SNX20: variants seen among roughly 807,000 people sequenced by gnomAD.
The protein encoded by SNX20 is sorting nexin 20.
Under a neutral mutation model 24.5 loss-of-function variants are expected in SNX20, and 21 were observed. The ratio of observed to expected loss-of-function variants is 0.86; its 90% CI spans 0.61 to 1.23. SNX20 has a LOEUF of 1.23. Ranked by LOEUF, SNX20 falls within the 50% of genes most tolerant of loss-of-function variation. SNX20 has a pLI of 0.00. For missense variants in SNX20, 433 were observed against 430.8 expected (o/e 1.00, Z -0.04); for synonymous variants, 206 against 192.8 (o/e 1.07, Z -0.57).
downstream of SNX20, chr16:50,670,169 A>C (rs956390266): frequency 6.6e-6 from 1 of 152,378 alleles, no homozygotes; most frequent in African/African-American, 2.4e-5. Context: ...TCCCATCTGC[A>C]GTCCCCTGGG....
At chr16:50,667,988 C>T (rs776466443), downstream of SNX20, 18 of 1,550,014 alleles carry the variant, frequency 1.2e-5, no homozygotes, top group Admixed American at 3.9e-5. Flanking sequence ...CAGCCCAGAA[C>T]GCTCGCTCCA....
At position 50,673,084 on chromosome 16, in the gene SNX20, T is replaced by G; in HGVS notation, c.*322A>C. On this transcript the variant is annotated 3_prime_UTR_variant, in exon 4 of 4. Transcript: ENST00000330943. This position sits in a 1 kb window ranked among gnomAD's most constrained non-coding sequence, Gnocchi z 4.1. ...TTGGGAAGCTGAGGCAGGAAGATCA[T>G]TTAAGGTCAGAAGTTAGAGACCAGC... The G allele has an allele frequency of 4.9e-6, 1 of 205,046 alleles. No individual in the cohort carries two copies. The allele number at this position is 205,046 out of a possible 1,614,324, so 12.7% of individuals were successfully genotyped here.
chr16:50,680,593 G>T (rs1001662688), intron 1 of SNX20, among the ~76,000 whole-genome samples: 31 of 152,172 alleles, frequency 2.0e-4, no homozygotes, highest in Admixed American at 6.5e-5. Flanking sequence ...TGGGGGATGA[G>T]CCTCTAGGGG....
rs1475187961 is a variant in SNX20, at chr16:50,673,860, C to G, written c.497G>C (p.Gly166Ala). 1.6e-5 allele frequency: 26 copies of G among 1,605,002 alleles called. No individual in the cohort carries two copies. The highest frequency in any genetic ancestry group is 2.1e-5 in the Non-Finnish European group (25 of 1,179,318). ...CACGCAGCGGATGGCGTAGAGCAGG[C>G]CCAGGTACTCCTGCAGGGCGCGCCG... ...ERRRALQEYLGLLYAIRCVRR... is the reference protein window; with the variant it reads ...ERRRALQEYLALLYAIRCVRR... The change falls in exon 4 of 4, where the codon GGC becomes GCC. Residue 166 changes from glycine to alanine, a missense_variant. Coordinates refer to ENST00000330943, the MANE Select transcript of SNX20 (RefSeq NM_182854.4). This position sits in a 1 kb window ranked among gnomAD's most constrained non-coding sequence, Gnocchi z 4.1.
In SNX20 at chr16:50,672,602, A is replaced by AG. The variant is rs1963075580; in HGVS notation, c.*803dup. 6.6e-6 allele frequency: 1 copy of AG among 151,396 alleles called. No individual in the cohort carries two copies. Among genetic ancestry groups the AG allele is most frequent in the Non-Finnish European group, 1.5e-5 (1 of 68,126 alleles). The allele number at this position is 151,396 out of a possible 1,614,324, so 9.4% of individuals were successfully genotyped here. ...TTTGCTTTGTCAGGTCTACATGGTAAGGGGGAAGGGCTAGAATACTAAGAT... is the reference window on the plus strand; with the variant it reads ...TTTGCTTTGTCAGGTCTACATGGTAAGGGGGGAAGGGCTAGAATACTAAGAT... On this transcript the variant is annotated 3_prime_UTR_variant, in exon 4 of 4. Transcript: ENST00000330943.
chr16:50,668,608 T>C, downstream of SNX20: 1 of 1,016,402 alleles, frequency 9.8e-7, no homozygotes, highest in Non-Finnish European at 1.2e-6. Flanking sequence ...GTGGCATTGT[T>C]GGGCCCCAGA....
chr16:50,673,996 C>A lies in SNX20; in HGVS notation c.361G>T (p.Ala121Ser). The A allele has an allele frequency of 6.2e-7, 1 of 1,612,860 alleles. No homozygotes were observed. Among genetic ancestry groups the A allele is most frequent in the Non-Finnish European group, 8.5e-7 (1 of 1,179,570 alleles). ...AVLERRYSDF[A>S]KLQKALLKTF... Reference sequence around the variant, plus strand: ...TTCAGCAGCGCTTTCTGGAGCTTCGCGAAGTCGGAATAGCGCCGTTCCAGG... The same window carrying A: ...TTCAGCAGCGCTTTCTGGAGCTTCGAGAAGTCGGAATAGCGCCGTTCCAGG... Residue 121 changes from alanine (A) to serine (S), a missense_variant, in exon 4 of 4, where the codon GCG becomes TCG. Transcript: ENST00000330943. This position sits in a 1 kb window ranked among gnomAD's most constrained non-coding sequence, Gnocchi z 4.1.
chr16:50,673,641 T>C lies in SNX20; in HGVS notation c.716A>G (p.Asp239Gly), dbSNP rs2150760721. 1 of 1,534,340 alleles carries C rather than the reference T, an allele frequency of 6.5e-7. No homozygotes were observed. Among genetic ancestry groups the C allele is most frequent in the Non-Finnish European group, 8.7e-7 (1 of 1,150,446 alleles). The stretch of plus-strand genomic sequence containing the variant: ...GAAGGCCTCGGCGGGGCGGTCGAGG[T>C]CGCGGTGGCACAGCAGCACGGCGCA... ...ALCAVLLCHR[D>G]LDRPAEAFAA... The change falls in exon 4 of 4, where the codon GAC (aspartate) becomes GGC (glycine). Residue 239 changes from aspartate to glycine, a missense_variant. Transcript: ENST00000330943. The surrounding 1 kb of genome is among the most constrained non-coding windows in gnomAD (Gnocchi z 4.1).
chr16:50,670,469 C>G (rs1230056539), downstream of SNX20: 1 of 152,304 alleles, frequency 6.6e-6, no homozygotes, highest in African/African-American at 2.4e-5. Flanking sequence ...ACCCCCTCAC[C>G]TCTCCTGTGG....
downstream of SNX20, chr16:50,667,935 G>C (rs892781577): frequency 5.1e-6 from 7 of 1,376,576 alleles, no homozygotes; most frequent in African/African-American, 4.3e-5. Context: ...AGATGGGTAG[G>C]GGGGGACCCA....
intron 1 of SNX20, among the ~76,000 whole-genome samples, chr16:50,680,671 T>G (rs1371247762): frequency 1.3e-5 from 2 of 152,120 alleles, no homozygotes; most frequent in African/African-American, 4.8e-5. Context: ...TGGCTGCCTC[T>G]CTTGGGGAAA....
intron 1 of SNX20, among the ~76,000 whole-genome samples, chr16:50,679,518 C>T (rs776522582): frequency 4.6e-5 from 7 of 152,224 alleles, no homozygotes; most frequent in East Asian, 3.8e-4. Flanking sequence ...AACAGAGGCA[C>T]GGAGCAGGGG....
At chr16:50,668,367 A>G, downstream of SNX20, 1 of 1,082,504 alleles carries the variant, frequency 9.2e-7, no homozygotes, top group Non-Finnish European at 1.2e-6. Context: ...TCTTTTAACA[A>G]AAGTCTACCA....
Position 50,677,468 on chromosome 16 carries a change from G to A in SNX20, c.59C>T (p.Thr20Met), listed in dbSNP as rs767294330. Residue 20 changes from threonine (T) to methionine (M), a missense_variant, in exon 2 of 4, where the codon ACG (threonine) becomes ATG (methionine). Thr to Met is a moderately conservative substitution (Grantham distance 81). Coordinates refer to ENST00000330943, the MANE Select transcript of SNX20 (RefSeq NM_182854.4). ...TGGTGCTTCCTGCTGGGTCCTTGCC[G>A]TGCACTGGGTTATGGGTCCCATGCA... ...PGCMGPITQC[T>M]ARTQQEAPAT... 1.2e-5 allele frequency: 19 copies of A among 1,609,578 alleles called. No individual in the cohort carries two copies. Among genetic ancestry groups the A allele is most frequent in the Middle Eastern group, 1.7e-4 (1 of 5,998 alleles).
At position 50,674,048 on chromosome 16, in the gene SNX20, A is replaced by G; in HGVS notation, c.309T>C (p.Thr103=). The part of the protein sequence containing the change: ...FVVYQIIVIQ[T]GSFDNNKAVL... ...CGGCCTTGTTGTTGTCAAAGCTCCC[A>G]GTCTGGATGACGATGATTTGGTACA... Residue 103 remains threonine (T), a synonymous_variant, in exon 4 of 4, where the codon ACT becomes ACC. Transcript: ENST00000330943. 6.2e-7 allele frequency: 1 copy of G among 1,605,952 alleles called. No individual in the cohort carries two copies. The highest frequency in any genetic ancestry group is 8.5e-7 in the Non-Finnish European group (1 of 1,175,776).
At chr16:50,674,420 G>T (rs934504921) in intron 3 of SNX20, among the ~76,000 whole-genome samples, 5 of 151,720 alleles carry the variant, frequency 3.3e-5, no homozygotes, top group African/African-American at 7.3e-5. Flanking sequence ...CAGATTTTTT[G>T]ATTTTTTTTA....
chr16:50,668,991 T>C, downstream of SNX20: 1 of 1,550,224 alleles, frequency 6.5e-7, no homozygotes, highest in African/African-American at 1.4e-5. Context: ...GGATGACCCC[T>C]AAGAGCTTCC....
chr16:50,675,929 G>A lies in SNX20; in HGVS notation c.131-8C>T, dbSNP rs993968516. 2 of 1,598,958 alleles carry A rather than the reference G, an allele frequency of 1.3e-6. No homozygotes were observed. Among genetic ancestry groups the A allele is most frequent in the African/African-American group, 2.7e-5 (2 of 73,858 alleles). On this transcript the variant is annotated splice_region_variant and splice_polypyrimidine_tract_variant and intron_variant, in intron 2 of 3. Coordinates refer to ENST00000330943, the MANE Select transcript of SNX20 (RefSeq NM_182854.4). ...TCAGGCCACTGTGTGTGTCTGGAAGGACAACACCCTTAAGGATCTGCACCC... is the reference window on the plus strand; with the variant it reads ...TCAGGCCACTGTGTGTGTCTGGAAGAACAACACCCTTAAGGATCTGCACCC...
downstream of SNX20, chr16:50,666,811 C>T (rs539593260): frequency 1.3e-5 from 2 of 152,376 alleles, no homozygotes; most frequent in African/African-American, 4.8e-5. Flanking sequence ...TCACAAGGAC[C>T]CTGGATGGGG....
Sources: allele counts gnomAD v4.1 joint callset (sites outside exome capture counted in the v4.1 genomes callset), GRCh38; gene constraint gnomAD v4.1.1; non-coding constraint Gnocchi (gnomAD v3.1); transcripts MANE v1.5; gene names NCBI Gene and HGNC (gene_info 2026-07-23, HGNC 2026-07-21).